RABGAP1L: variants seen among roughly 807,000 people sequenced by gnomAD.
RABGAP1L encodes RAB GTPase activating protein 1 like, also known as rab GTPase-activating protein 1-like.
In RABGAP1L, 63 loss-of-function variants were observed where a neutral mutation model predicts 137.7. The ratio of observed to expected loss-of-function variants is 0.46; its 90% CI spans 0.37 to 0.56. The LOEUF (loss-of-function observed/expected upper bound fraction) is 0.56. Ranked by LOEUF, RABGAP1L falls within the 20% of genes least tolerant of loss-of-function variation. The pLI is 0.00. For missense variants in RABGAP1L, 1,095 were observed against 1,244.0 expected (o/e 0.88, Z 1.80); for synonymous variants, 431 against 433.7 (o/e 0.99, Z 0.08).
At chr1:174,441,375 C>CATTATAAATGTGTTCAT in intron 13 of RABGAP1L, among the ~76,000 whole-genome samples, 1 of 152,210 alleles carries the variant, frequency 6.6e-6, no homozygotes, top group South Asian at 2.1e-4. Context: ...TAAGGCTTCA[C>CATTATAAATGTGTTCAT]ATTATAAATG....
chr1:174,911,691 T>C (rs1660080874), intron 19 of RABGAP1L, among the ~76,000 whole-genome samples: 1 of 152,248 alleles, frequency 6.6e-6, no homozygotes, highest in African/African-American at 2.4e-5. Context: ...TCTTCTAAGC[T>C]GCTGAACATA....
chr1:174,776,292 TG>T (rs1300285619), intron 18 of RABGAP1L, among the ~76,000 whole-genome samples: 1 of 152,094 alleles, frequency 6.6e-6, no homozygotes, highest in Non-Finnish European at 1.5e-5. Flanking sequence ...GAGAATTGCT[TG>T]AACCCCGGTG....
At chr1:174,948,691 A>AT (rs908204218) in intron 19 of RABGAP1L, 3 of 152,076 alleles carry the variant, frequency 2.0e-5, no homozygotes, top group Non-Finnish European at 4.4e-5. Context: ...AAATATTAAG[A>AT]TTAAAAAAAA....
rs1435710180 is a variant in RABGAP1L, at chr1:174,742,093, AAAG to A, written c.2170-10209_2170-10207del. Among the ~76,000 whole-genome samples the A allele has an allele frequency of 5.2e-5, 6 of 115,378 alleles. No homozygotes were observed. The East Asian group carries it at 1.4e-3, about 28-fold the overall frequency. 75.7% of individuals were successfully genotyped at this position (115,378 alleles called of 152,430 possible). ...AGGAGGGGGAGGGGGGAGGAGGAGGAAAGAAGAAGAAGAGGAGGAGGGGGAGGG... is the reference window on the plus strand; with the variant it reads ...AGGAGGGGGAGGGGGGAGGAGGAGGAAAGAAGAAGAGGAGGAGGGGGAGGG... On this transcript the variant is annotated intron_variant, in intron 17 of 25. Coordinates refer to ENST00000681986, the MANE Select transcript of RABGAP1L (RefSeq NM_001366446.1).
intron 13 of RABGAP1L, among the ~76,000 whole-genome samples, chr1:174,461,402 C>T (rs771040541): frequency 7.2e-5 from 11 of 152,158 alleles, no homozygotes; most frequent in East Asian, 1.9e-4. Context: ...TCAGCTTTTA[C>T]GTTAGAAAAG....
chr1:174,712,774 GACTT>G (rs757263291), intron 17 of RABGAP1L, among the ~76,000 whole-genome samples: 25 of 152,112 alleles, frequency 1.6e-4, no homozygotes, highest in Non-Finnish European at 2.5e-4. Flanking sequence ...TTTATTTATT[GACTT>G]ACTTACTTAC....
intron 13 of RABGAP1L, among the ~76,000 whole-genome samples, chr1:174,559,702 T>A (rs578010881): frequency 1.3e-5 from 2 of 152,344 alleles, no homozygotes; most frequent in East Asian, 3.9e-4. Context: ...CTGGTTCTAT[T>A]GAAGTCCTCA....
At chr1:174,520,786 A>T (rs1165272641) in intron 13 of RABGAP1L, among the ~76,000 whole-genome samples, 1 of 152,024 alleles carries the variant, frequency 6.6e-6, no homozygotes, top group East Asian at 1.9e-4. Context: ...GGAGATCATG[A>T]GGTCAGGAGA....
intron 19 of RABGAP1L, among the ~76,000 whole-genome samples, chr1:174,910,851 A>G (rs1036773595): frequency 1.3e-4 from 20 of 152,340 alleles, no homozygotes; most frequent in African/African-American, 4.8e-4. Flanking sequence ...TCATAATTCT[A>G]TATTTAACTA....
At chr1:174,919,360 A>T (rs1466269505) in intron 19 of RABGAP1L, among the ~76,000 whole-genome samples, 1 of 152,086 alleles carries the variant, frequency 6.6e-6, no homozygotes, top group African/African-American at 2.4e-5. Flanking sequence ...CTGAAGTGGG[A>T]TGTTTCAAAG....
intron 13 of RABGAP1L, among the ~76,000 whole-genome samples, chr1:174,486,456 C>T (rs1659667378): frequency 6.6e-6 from 1 of 151,456 alleles, no homozygotes; most frequent in Non-Finnish European, 1.5e-5. Flanking sequence ...GTGCCATTCT[C>T]CTGCCTCAGC....
chr1:174,941,205 T>C (rs745315909), intron 19 of RABGAP1L, among the ~76,000 whole-genome samples: 6 of 152,182 alleles, frequency 3.9e-5, no homozygotes, highest in Admixed American at 6.5e-5. Flanking sequence ...TGTAATACAA[T>C]CTGTAATTTA....
chr1:174,686,992 AT>A (rs1678524320), intron 15 of RABGAP1L, among the ~76,000 whole-genome samples: 1 of 151,798 alleles, frequency 6.6e-6, no homozygotes, highest in Non-Finnish European at 1.5e-5. Context: ...GTAGTTTAGC[AT>A]TTTTTACCTG....
intron 6 of RABGAP1L, 65 bp downstream of exon 6, chr1:174,250,697 G>C: frequency 6.9e-7 from 1 of 1,445,038 alleles, no homozygotes; most frequent in East Asian, 2.3e-5. Flanking sequence ...CGCATATAAA[G>C]TTTCAAGAAA....
chr1:174,670,197 T>G (rs1450631577), intron 14 of RABGAP1L, among the ~76,000 whole-genome samples: 3 of 152,166 alleles, frequency 2.0e-5, no homozygotes, highest in Non-Finnish European at 4.4e-5. Context: ...TTTCACTTCC[T>G]TGGTTAAATT....
chr1:174,224,267 G>A (rs1202083063), intron 3 of RABGAP1L, among the ~76,000 whole-genome samples: 1 of 152,172 alleles, frequency 6.6e-6, no homozygotes, highest in Non-Finnish European at 1.5e-5. Context: ...CTTGAGGTCA[G>A]GAGTTCAAGA....
At chr1:174,847,268 T>A (rs1452080594) in intron 19 of RABGAP1L, among the ~76,000 whole-genome samples, 1 of 151,772 alleles carries the variant, frequency 6.6e-6, no homozygotes, top group Non-Finnish European at 1.5e-5. Flanking sequence ...GATCCTGTCA[T>A]TATGATGTTA....
intron 13 of RABGAP1L, among the ~76,000 whole-genome samples, chr1:174,530,433 C>A (rs532995944): frequency 1.2e-4 from 19 of 152,238 alleles, no homozygotes; most frequent in African/African-American, 4.6e-4. Context: ...TCTTTCCCCT[C>A]CTTAGAGCAG....
At chr1:174,835,248 T>A (rs1004768650) in intron 19 of RABGAP1L, among the ~76,000 whole-genome samples, 1 of 152,176 alleles carries the variant, frequency 6.6e-6, no homozygotes, top group Non-Finnish European at 1.5e-5. Context: ...GATCAAGAGT[T>A]CAGTTTTAGA....
Sources: gnomAD v4.1 joint callset for allele counts (sites outside exome capture counted in the v4.1 genomes callset) on GRCh38, gnomAD v4.1.1 for gene constraint, MANE v1.5 for transcripts, NCBI Gene and HGNC (gene_info 2026-07-23, HGNC 2026-07-21) for gene names.